AQR: variants seen among roughly 807,000 people sequenced by gnomAD.
AQR encodes aquarius intron-binding spliceosomal factor.
A neutral mutation model predicts 180.5 loss-of-function variants in AQR; 61 were observed. That is an observed-to-expected ratio of 0.34 (90% CI 0.28 to 0.42). The LOEUF (loss-of-function observed/expected upper bound fraction) is 0.42, where lower values mean the gene tolerates loss of function less well. Ranked by LOEUF, AQR falls within the 10% of genes least tolerant of loss-of-function variation. AQR has a pLI of 1.00. For missense variants in AQR, 1,281 were observed against 1,798.3 expected (o/e 0.71, Z 5.20); for synonymous variants, 551 against 588.8 (o/e 0.94, Z 0.93).
chr15:34,881,230 G>T (rs969527924), intron 27 of AQR, among the ~76,000 whole-genome samples: 1 of 151,756 alleles, frequency 6.6e-6, no homozygotes, highest in Non-Finnish European at 1.5e-5. Context: ...TTTGCAAAAG[G>T]GTAAGTTCAC....
chr15:34,888,020 G>A (rs1312161857), intron 24 of AQR, among the ~76,000 whole-genome samples: 5 of 152,282 alleles, frequency 3.3e-5, no homozygotes, highest in East Asian at 1.9e-4. Context: ...GCAACAGGCC[G>A]GGCACGGTGG....
At chr15:34,964,483 T>A in intron 1 of AQR, 193 bp from the exon 2 acceptor site, 1 of 682,218 alleles carries the variant, frequency 1.5e-6, no homozygotes, top group Non-Finnish European at 2.7e-6. Context: ...ATGCCAGTAG[T>A]GCTTTGCACT....
chr15:34,929,041 G>GT (rs986456294), intron 12 of AQR, among the ~76,000 whole-genome samples: 7 of 152,194 alleles, frequency 4.6e-5, no homozygotes, highest in Admixed American at 4.6e-4. Context: ...TGATGGGGTT[G>GT]TTTTTTTCTT....
intron 27 of AQR, among the ~76,000 whole-genome samples, chr15:34,881,054 A>G (rs1343916861): frequency 6.6e-6 from 1 of 152,228 alleles, no homozygotes; most frequent in Non-Finnish European, 1.5e-5. Context: ...TGAAAGTTTG[A>G]TAAGTAGTAT....
intron 4 of AQR, among the ~76,000 whole-genome samples, chr15:34,950,881 G>C (rs1252471948): frequency 6.6e-6 from 1 of 152,156 alleles, no homozygotes; most frequent in Non-Finnish European, 1.5e-5. Context: ...ATGTCCCACA[G>C]ATGTCACTGG....
chr15:34,912,490 T>C (rs1893515842), intron 16 of AQR, among the ~76,000 whole-genome samples: 1 of 152,092 alleles, frequency 6.6e-6, no homozygotes, highest in Non-Finnish European at 1.5e-5. Context: ...TTATTTTCTA[T>C]ATTTTAAGTA....
intron 3 of AQR, among the ~76,000 whole-genome samples, chr15:34,957,351 T>C (rs953791711): frequency 1.3e-5 from 2 of 151,858 alleles, no homozygotes; most frequent in African/African-American, 4.8e-5. Flanking sequence ...GAGACGGGGT[T>C]TCACCATGTT....
intron 13 of AQR, among the ~76,000 whole-genome samples, chr15:34,925,732 C>G (rs372576075): frequency 0.097 from 14,737 of 152,024 alleles, 775 homozygotes; most frequent in Middle Eastern, 0.16. Flanking sequence ...ATTCGGGAGG[C>G]TGACGCAGGA....
chr15:34,950,902 T>G (rs1566790208), intron 4 of AQR, among the ~76,000 whole-genome samples: 1 of 152,204 alleles, frequency 6.6e-6, no homozygotes, highest in Non-Finnish European at 1.5e-5. Context: ...CTTGCCACAG[T>G]TTTTAAGAGT....
At chr15:34,857,315 T>C (rs146897832) in intron 34 of AQR, among the ~76,000 whole-genome samples, 4 of 152,286 alleles carry the variant, frequency 2.6e-5, no homozygotes, top group Admixed American at 2.0e-4. Context: ...AAAATACATA[T>C]AAAATCTTCA....
chr15:34,915,103 G>A lies in AQR; in HGVS notation c.1419C>T (p.Phe473=). The A allele has an allele frequency of 6.2e-7, 1 of 1,613,470 alleles. No individual in the cohort carries two copies. The highest frequency in any genetic ancestry group is 1.3e-5 in the African/African-American group (1 of 75,002). Residue 473 remains phenylalanine (F), a synonymous_variant, in exon 16 of 35, where the codon TTC becomes TTT. Transcript: ENST00000156471. ...GAATTTCATAAGTTGATTCTAAGCGGAAGAGGTTAAAGTTCCTTAGCAGGT... is the reference window on the plus strand; with the variant it reads ...GAATTTCATAAGTTGATTCTAAGCGAAAGAGGTTAAAGTTCCTTAGCAGGT... ...HDYLLRNFNL[F]RLESTYEIRQ... is the part of the protein sequence containing the mutation.
At chr15:34,908,455 A>C (rs1893452807) in intron 17 of AQR, among the ~76,000 whole-genome samples, 1 of 151,906 alleles carries the variant, frequency 6.6e-6, no homozygotes, top group Non-Finnish European at 1.5e-5. Flanking sequence ...AAAATGTATT[A>C]TTGTTTACAG....
At chr15:34,959,523 C>T (rs1258053974) in intron 3 of AQR, among the ~76,000 whole-genome samples, 5 of 152,130 alleles carry the variant, frequency 3.3e-5, no homozygotes, top group African/African-American at 1.2e-4. Context: ...TTCCATATCT[C>T]CATCTTCATA....
intron 11 of AQR, among the ~76,000 whole-genome samples, chr15:34,932,055 A>T (rs1371017352): frequency 1.3e-5 from 2 of 152,244 alleles, no homozygotes; most frequent in African/African-American, 4.8e-5. Context: ...TATATTTCAC[A>T]TAAAATCAAA....
chr15:34,904,308 T>C, intron 19 of AQR, 28 bp downstream of exon 19: 1 of 1,491,950 alleles, frequency 6.7e-7, no homozygotes. Flanking sequence ...TATGACATAG[T>C]ACTTTTAGTT....
At chr15:34,966,031 C>T (rs954780867) in intron 1 of AQR, among the ~76,000 whole-genome samples, 1 of 152,138 alleles carries the variant, frequency 6.6e-6, no homozygotes, top group Non-Finnish European at 1.5e-5. Context: ...TCAAATATCA[C>T]GATCTCACAG....
chr15:34,902,459 CCT>C lies in AQR; in HGVS notation c.2002-1598_2002-1597del, dbSNP rs369263061. ...AAACATAGGCAAGTTAATCATTCCC[CCT>C]CTTTCTTGGATCAGAAACTAAATGC... On this transcript the variant is annotated intron_variant, in intron 19 of 34. Coordinates refer to ENST00000156471, the MANE Select transcript of AQR (RefSeq NM_014691.3). 2.2e-3 allele frequency among the ~76,000 whole-genome samples: 336 copies of C among 152,198 alleles called. 1 individual carries two copies. Among genetic ancestry groups the C allele is most frequent in the African/African-American group, 7.8e-3 (325 of 41,556 alleles).
At chr15:34,939,925 T>C (rs770652923) in intron 8 of AQR, among the ~76,000 whole-genome samples, 5 of 152,138 alleles carry the variant, frequency 3.3e-5, no homozygotes, top group Admixed American at 2.0e-4. Context: ...CATACAGCAA[T>C]TGAGTGTGGA....
At chr15:34,919,520 A>C (rs944108617) in intron 14 of AQR, among the ~76,000 whole-genome samples, 9 of 152,182 alleles carry the variant, frequency 5.9e-5, no homozygotes, top group African/African-American at 2.2e-4. Flanking sequence ...GAACTATTTA[A>C]ATTTTAGGAA....
Sources: allele counts gnomAD v4.1 joint callset (sites outside exome capture counted in the v4.1 genomes callset), GRCh38; gene constraint gnomAD v4.1.1; transcripts MANE v1.5; gene names NCBI Gene and HGNC (gene_info 2026-07-23, HGNC 2026-07-21).